The following WWOX variants were observed in gnomAD, a reference collection of about 807,000 sequenced individuals.
WWOX encodes WW domain-containing oxidoreductase.
Under a neutral mutation model 46.2 loss-of-function variants are expected in WWOX, and 69 were observed. That is an observed-to-expected ratio of 1.49 (90% CI 1.23 to 1.82). WWOX has a LOEUF of 1.82. Among genes scored for constraint, WWOX ranks in the 40% most tolerant of loss-of-function variants. The pLI, the probability that WWOX is intolerant of heterozygous loss-of-function variation, is 0.00. For missense variants in WWOX, 919 were observed against 542.6 expected (o/e 1.69, Z -6.89); for synonymous variants, 359 against 202.6 (o/e 1.77, Z -6.56).
intron 6 of WWOX, among the ~76,000 whole-genome samples, chr16:78,405,884 A>C (rs559489250): frequency 6.6e-6 from 1 of 152,228 alleles, no homozygotes; most frequent in Non-Finnish European, 1.5e-5. Context: ...ACAGGTGACG[A>C]AGTGAGTTTT....
chr16:79,118,161 C>T lies in WWOX; in HGVS notation c.1057-93447C>T, dbSNP rs561056479. On this transcript the variant is annotated intron_variant, in intron 8 of 8. Coordinates refer to ENST00000566780, the MANE Select transcript of WWOX (RefSeq NM_016373.4). ...GTGAGAGACATGCAACTCTGACTTT[C>T]TCTTGGGCACTGAAAAGCCATTGAA... 1.1e-4 allele frequency among the ~76,000 whole-genome samples: 16 copies of T among 152,320 alleles called. No homozygotes were observed. In the East Asian group the frequency reaches 2.9e-3, roughly 28 times the overall value.
intron 8 of WWOX, among the ~76,000 whole-genome samples, chr16:78,901,366 T>G (rs1447566861): frequency 6.6e-6 from 1 of 152,214 alleles, no homozygotes; most frequent in Admixed American, 6.5e-5. Context: ...CGGAAATATT[T>G]CGGATGGAAT....
chr16:79,127,929 A>G (rs1019103779), intron 8 of WWOX, among the ~76,000 whole-genome samples: 2 of 152,198 alleles, frequency 1.3e-5, no homozygotes, highest in African/African-American at 4.8e-5. Flanking sequence ...AATCAGTACA[A>G]CTTGCAGTAG....
intron 8 of WWOX, among the ~76,000 whole-genome samples, chr16:79,207,379 C>G (rs1597479710): frequency 6.6e-6 from 1 of 152,216 alleles, no homozygotes; most frequent in Admixed American, 6.5e-5. Flanking sequence ...CCACTTTGTC[C>G]TGGGACGTTA....
intron 8 of WWOX, among the ~76,000 whole-genome samples, chr16:78,826,251 C>G (rs2051653731): frequency 6.6e-6 from 1 of 152,150 alleles, no homozygotes; most frequent in African/African-American, 2.4e-5. Context: ...GAGGCTGAGG[C>G]AGGAGAATCG....
At chr16:78,705,888 G>C (rs1019303864) in intron 8 of WWOX, among the ~76,000 whole-genome samples, 3 of 152,074 alleles carry the variant, frequency 2.0e-5, no homozygotes, top group African/African-American at 7.2e-5. Flanking sequence ...CTTGAGTAAG[G>C]AATATGACCT....
Position 78,342,764 on chromosome 16 carries a change from C to T in WWOX, c.517-44096C>T, listed in dbSNP as rs1178592557. Among the ~76,000 whole-genome samples the T allele has an allele frequency of 1.7e-5, 2 of 120,560 alleles. 1 individual carries two copies. Among genetic ancestry groups the T allele is most frequent in the Non-Finnish European group, 4.0e-5 (2 of 50,456 alleles). The allele number at this position is 120,560 out of a possible 152,430, so 79.1% of individuals were successfully genotyped here. A position where few individuals can be genotyped will look rare whatever the true frequency, so the allele number is the denominator to read the frequency against. ...CAAAAATTGCAGGTTTGAAAGGGTA[C>T]CTAAAAACAAGCCACCAGATTGTCC... On this transcript the variant is annotated intron_variant, in intron 5 of 8. Transcript: ENST00000566780.
chr16:78,803,679 A>C (rs1212219974), intron 8 of WWOX, among the ~76,000 whole-genome samples: 1 of 152,034 alleles, frequency 6.6e-6, no homozygotes, highest in African/African-American at 2.4e-5. Flanking sequence ...GGTTGCTCTC[A>C]AACTCCTAGG....
intron 8 of WWOX, among the ~76,000 whole-genome samples, chr16:79,052,538 T>A (rs1222468017): frequency 6.6e-6 from 1 of 152,228 alleles, no homozygotes; most frequent in Non-Finnish European, 1.5e-5. Context: ...AACCCAAATG[T>A]CCAACAGTGG....
intron 8 of WWOX, among the ~76,000 whole-genome samples, chr16:78,454,241 C>A (rs1308100118): frequency 1.3e-5 from 2 of 152,162 alleles, no homozygotes; most frequent in African/African-American, 4.8e-5. Flanking sequence ...AGGACAAATT[C>A]TGATGGACAG....
chr16:78,351,369 C>A (rs532788016), intron 5 of WWOX, among the ~76,000 whole-genome samples: 163 of 152,294 alleles, frequency 1.1e-3, no homozygotes, highest in African/African-American at 3.8e-3. Flanking sequence ...GCAGTTGTGT[C>A]AGGTAGAAAA....
At chr16:78,649,376 C>T (rs563107170) in intron 8 of WWOX, among the ~76,000 whole-genome samples, 14 of 152,194 alleles carry the variant, frequency 9.2e-5, no homozygotes, top group South Asian at 6.2e-4. Context: ...CTGTAGGTCC[C>T]GGGCTCAAGC....
At chr16:78,854,095 C>G (rs183305053) in intron 8 of WWOX, among the ~76,000 whole-genome samples, 2 of 152,164 alleles carry the variant, frequency 1.3e-5, no homozygotes, top group Non-Finnish European at 2.9e-5. Flanking sequence ...AGCATTTACA[C>G]GATTGTTTTT....
At chr16:79,050,217 G>C (rs2048140703) in intron 8 of WWOX, among the ~76,000 whole-genome samples, 2 of 152,164 alleles carry the variant, frequency 1.3e-5, no homozygotes, top group African/African-American at 2.4e-5. Context: ...TACTGGTCCT[G>C]CTGGTTTTGG....
At chr16:78,392,142 G>GT (rs1300799458) in intron 6 of WWOX, among the ~76,000 whole-genome samples, 2 of 152,076 alleles carry the variant, frequency 1.3e-5, no homozygotes, top group South Asian at 4.2e-4. Flanking sequence ...ATGGCAGGGA[G>GT]TGAGTGGTGG....
At chr16:79,024,304 G>A (rs1394290654) in intron 8 of WWOX, among the ~76,000 whole-genome samples, 1 of 152,182 alleles carries the variant, frequency 6.6e-6, no homozygotes, top group Non-Finnish European at 1.5e-5. Context: ...TGCTGCGTAG[G>A]TTGTGGTGCA....
intron 5 of WWOX, among the ~76,000 whole-genome samples, chr16:78,221,177 A>G (rs1443825164): frequency 6.6e-6 from 1 of 152,214 alleles, no homozygotes; most frequent in African/African-American, 2.4e-5. Flanking sequence ...AAGAAAATAA[A>G]TCTCTAATGT....
intron 8 of WWOX, among the ~76,000 whole-genome samples, chr16:78,585,197 C>A (rs781624854): frequency 6.6e-6 from 1 of 152,188 alleles, no homozygotes; most frequent in African/African-American, 2.4e-5. Context: ...GACCACAGGA[C>A]AGCTTAAATG....
intron 8 of WWOX, among the ~76,000 whole-genome samples, chr16:78,582,691 C>T (rs1164212756): frequency 6.6e-6 from 1 of 152,134 alleles, no homozygotes; most frequent in Non-Finnish European, 1.5e-5. Flanking sequence ...ACTGATGACC[C>T]CTGCTTAACA....
Sources: allele counts gnomAD v4.1 joint callset (sites outside exome capture counted in the v4.1 genomes callset), GRCh38; gene constraint gnomAD v4.1.1; transcripts MANE v1.5; gene names NCBI Gene and HGNC (gene_info 2026-07-23, HGNC 2026-07-21).